Variants in KSR2 observed in about 807,000 individuals in gnomAD.
KSR2 encodes kinase suppressor of ras 2.
In KSR2, 25 loss-of-function variants were observed where a neutral mutation model predicts 107.8. The ratio of observed to expected loss-of-function variants is 0.23; its 90% confidence interval spans 0.17 to 0.32. The LOEUF (loss-of-function observed/expected upper bound fraction) is 0.32. Ranked by LOEUF, KSR2 falls within the 10% of genes least tolerant of loss-of-function variation. KSR2 has a pLI of 1.00. For synonymous variants in KSR2, 480 were observed against 507.0 expected (o/e 0.95, Z 0.71); for missense variants, 887 against 1,268.9 (o/e 0.70, Z 4.57).
At chr12:117,832,316 C>T (rs1892004040) in intron 3 of KSR2, among the ~76,000 whole-genome samples, 2 of 151,974 alleles carry the variant, frequency 1.3e-5, no homozygotes, top group African/African-American at 4.8e-5. Context: ...AAATCTTGTA[C>T]CGTGTCCGCA....
intron 5 of KSR2, among the ~76,000 whole-genome samples, chr12:117,631,376 C>T (rs1197703781): frequency 6.6e-6 from 1 of 152,132 alleles, no homozygotes; most frequent in African/African-American, 2.4e-5. Flanking sequence ...TAGAGAGATG[C>T]AATTTTAAAA....
chr12:117,469,010 G>C (rs796504521), intron 19 of KSR2, among the ~76,000 whole-genome samples: 13 of 152,158 alleles, frequency 8.5e-5, no homozygotes, highest in African/African-American at 3.1e-4. Context: ...AGCCTCATCT[G>C]GGCCTGTCTC....
chr12:117,834,454 GA>G (rs1892116265), intron 3 of KSR2, among the ~76,000 whole-genome samples: 2 of 149,522 alleles, frequency 1.3e-5, no homozygotes, highest in Admixed American at 1.3e-4. Flanking sequence ...GCGGGGTAGG[GA>G]TTTTTTTTGA....
At chr12:117,634,081 G>T (rs1365776545) in intron 5 of KSR2, among the ~76,000 whole-genome samples, 5 of 152,120 alleles carry the variant, frequency 3.3e-5, no homozygotes, top group Admixed American at 1.3e-4. Context: ...GCCTAGCCCA[G>T]CCCCTAGCAT....
rs915929946 is a variant in KSR2 at position 117,583,349 on chromosome 12, G to A, written c.1172-990C>T. On this transcript the variant is annotated intron_variant, in intron 5 of 19. Coordinates refer to ENST00000339824, the MANE Select transcript of KSR2 (RefSeq NM_173598.6). ...GGTGGATGGATAGATAGATGGATGG[G>A]TGGGTGAGTGAGTGGGTGGGTGGGT... Among the ~76,000 whole-genome samples the A allele has an allele frequency of 3.0e-3, 439 of 147,948 alleles. 4 individuals are homozygous for A. Among genetic ancestry groups the A allele is most frequent in the African/African-American group, 9.8e-3 (390 of 39,854 alleles).
At position 117,524,817 on chromosome 12, in the gene KSR2, G is replaced by T; in HGVS notation, c.2219+35C>A. ...TCAACCATGCCAGAAGCAGAGTTTT[G>T]CCAATCCCTGGGTAGAAGCCCAGGT... On this transcript the variant is annotated intron_variant, in intron 14 of 19. Coordinates refer to ENST00000339824, the MANE Select transcript of KSR2 (RefSeq NM_173598.6). 1.9e-6 allele frequency: 3 copies of T among 1,558,510 alleles called. No homozygotes were observed. The Middle Eastern group carries it at 5.5e-4, about 284-fold the overall frequency.
rs73208200 is a variant in KSR2, at chr12:117,462,870, A to T, written c.*4329T>A. 0.21 allele frequency: 31,978 copies of T among 152,110 alleles called. 3,780 individuals are homozygous for T. The highest frequency in any genetic ancestry group is 0.28 in the Non-Finnish European group (18,747 of 67,984). 9.4% of individuals were successfully genotyped at this position (152,110 alleles called of 1,614,324 possible). On this transcript the variant is annotated 3_prime_UTR_variant, in exon 20 of 20. Transcript: ENST00000339824. ...CACAGAGCGTTGGAACCCTAATCTA[A>T]TAAGATTGTTGTCTTTATCAGAAGA...
At chr12:117,963,756 T>C (rs1052199520) in intron 1 of KSR2, among the ~76,000 whole-genome samples, 3 of 152,196 alleles carry the variant, frequency 2.0e-5, no homozygotes, top group African/African-American at 7.2e-5. Context: ...TAAATTCATT[T>C]CCTATGACAG....
At chr12:117,936,176 C>T (rs1039850154) in intron 1 of KSR2, among the ~76,000 whole-genome samples, 38 of 152,026 alleles carry the variant, frequency 2.5e-4, no homozygotes, top group Non-Finnish European at 1.3e-4. Flanking sequence ...GTTGGGACCA[C>T]GGGCAAGAGC....
intron 3 of KSR2, among the ~76,000 whole-genome samples, chr12:117,792,223 T>C (rs982068297): frequency 2.0e-5 from 3 of 151,924 alleles, no homozygotes; most frequent in African/African-American, 7.3e-5. Context: ...TGTGTGCCTG[T>C]CCTGTAGTCC....
At chr12:117,586,774 A>C (rs1026796309) in intron 5 of KSR2, among the ~76,000 whole-genome samples, 6 of 152,168 alleles carry the variant, frequency 3.9e-5, no homozygotes, top group African/African-American at 1.4e-4. Flanking sequence ...GTATACACAC[A>C]CATAGCGTAT....
At chr12:117,818,120 A>T (rs1891438703) in intron 3 of KSR2, among the ~76,000 whole-genome samples, 1 of 149,662 alleles carries the variant, frequency 6.7e-6, no homozygotes, top group African/African-American at 2.5e-5. Flanking sequence ...AAAAAAAAAA[A>T]GTTCCAATGG....
chr12:117,532,781 C>T (rs1050322500), intron 10 of KSR2, among the ~76,000 whole-genome samples: 7 of 151,886 alleles, frequency 4.6e-5, no homozygotes, highest in South Asian at 2.1e-4. Context: ...GGGGGCCAAG[C>T]GGTGTTGGGG....
At chr12:117,682,189 G>T (rs1482274535) in intron 4 of KSR2, among the ~76,000 whole-genome samples, 4 of 152,054 alleles carry the variant, frequency 2.6e-5, no homozygotes, top group African/African-American at 9.7e-5. Context: ...AACACCACAT[G>T]TTATCACTTA....
chr12:117,551,903 C>T (rs1406978203), intron 9 of KSR2, among the ~76,000 whole-genome samples: 2 of 152,134 alleles, frequency 1.3e-5, no homozygotes, highest in Admixed American at 6.5e-5. Context: ...TCTATCTGAC[C>T]TATGTTTCAG....
intron 3 of KSR2, among the ~76,000 whole-genome samples, chr12:117,777,255 T>C (rs905470513): frequency 3.3e-5 from 5 of 150,810 alleles, no homozygotes; most frequent in Non-Finnish European, 7.4e-5. Context: ...AAACCAAGAA[T>C]ATCTAACACA....
intron 1 of KSR2, among the ~76,000 whole-genome samples, chr12:117,944,801 T>A (rs1004429959): frequency 3.9e-5 from 6 of 151,928 alleles, no homozygotes; most frequent in Admixed American, 3.9e-4. Context: ...GAGGATGCAG[T>A]GAGGTATGAT....
chr12:117,568,524 T>G (rs1365413725), intron 7 of KSR2, among the ~76,000 whole-genome samples: 4 of 152,108 alleles, frequency 2.6e-5, no homozygotes, highest in African/African-American at 9.6e-5. Flanking sequence ...TCAGTGGGTT[T>G]GAGTAACAGA....
At chr12:117,622,716 C>G (rs2136344342) in intron 5 of KSR2, among the ~76,000 whole-genome samples, 1 of 152,240 alleles carries the variant, frequency 6.6e-6, no homozygotes, top group East Asian at 1.9e-4. Flanking sequence ...TTTCCAGCAT[C>G]TTGAATTGTT....
Sources: allele counts gnomAD v4.1 joint callset (sites outside exome capture counted in the v4.1 genomes callset), GRCh38; gene constraint gnomAD v4.1.1; transcripts MANE v1.5; gene names NCBI Gene and HGNC (gene_info 2026-07-23, HGNC 2026-07-21).